The following BRD4 variants were observed in gnomAD, a reference collection of about 807,000 sequenced individuals.
The protein encoded by BRD4 is bromodomain containing 4.
Under a neutral mutation model 142.1 loss-of-function variants are expected in BRD4, and 16 were observed. That is an observed-to-expected ratio of 0.11 (90% confidence interval 0.08 to 0.17). BRD4 has a LOEUF of 0.17. BRD4 is among the 10% of genes least tolerant of loss of function. The pLI, the probability that BRD4 is intolerant of heterozygous loss-of-function variation, is 1.00. For synonymous variants in BRD4, 833 were observed against 707.5 expected, an observed-to-expected ratio of 1.18 and a Z score of -2.82; for missense variants, 1,424 against 1,810.9, an observed-to-expected ratio of 0.79 and a Z score of 3.88.
intron 2 of BRD4, among the ~76,000 whole-genome samples, chr19:15,270,909 C>T (rs973741770): frequency 7.2e-5 from 11 of 152,158 alleles, no homozygotes; most frequent in African/African-American, 2.7e-4. Flanking sequence ...GACATCAGAT[C>T]AGGGCCACCA....
At chr19:15,329,596 G>A (rs2048139430) in intron 1 of BRD4, among the ~76,000 whole-genome samples, 1 of 152,014 alleles carries the variant, frequency 6.6e-6, no homozygotes, top group African/African-American at 2.4e-5. Flanking sequence ...AAAATTAGCT[G>A]GGCGTGGCGG....
intron 1 of BRD4, among the ~76,000 whole-genome samples, chr19:15,288,427 G>A (rs890222525): frequency 9.9e-5 from 15 of 152,114 alleles, no homozygotes; most frequent in African/African-American, 3.4e-4. Flanking sequence ...ATAAATAGAA[G>A]AAGAGGAGTG....
chr19:15,327,917 T>C (rs1381003071), intron 1 of BRD4, among the ~76,000 whole-genome samples: 2 of 2,164 alleles, frequency 9.2e-4, no homozygotes, highest in Admixed American at 7.7e-3. Context: ...TGGATTTCTT[T>C]TGGGGGGGGG....
chr19:15,241,692 C>T (rs1234802442), intron 14 of BRD4, among the ~76,000 whole-genome samples: 7 of 152,188 alleles, frequency 4.6e-5, no homozygotes, highest in East Asian at 1.9e-4. Context: ...AGCCCTGCTT[C>T]GCATGAGAAC....
chr19:15,331,725 G>A (rs2145031290), intron 1 of BRD4: 1 of 151,990 alleles, frequency 6.6e-6, no homozygotes, highest in East Asian at 1.9e-4. Context: ...CTGGGTGCCA[G>A]AAGGAGAGCG....
At chr19:15,307,024 C>T (rs768518507) in intron 1 of BRD4, among the ~76,000 whole-genome samples, 3 of 152,054 alleles carry the variant, frequency 2.0e-5, no homozygotes, top group Admixed American at 6.6e-5. Flanking sequence ...CACAATAAAA[C>T]GAGGTATACC....
intron 1 of BRD4, chr19:15,280,189 G>T: frequency 1.1e-6 from 1 of 934,266 alleles, no homozygotes; most frequent in Non-Finnish European, 1.3e-6. Context: ...AGAGTGGATG[G>T]TGGCCTGGTT....
rs1216946251 is a variant in BRD4, at chr19:15,255,284, G to C, written c.2047+13C>G. 6.2e-7 allele frequency: 1 copy of C among 1,604,686 alleles called. No homozygotes were observed. The highest frequency in any genetic ancestry group is 1.3e-5 in the African/African-American group (1 of 74,650). ...CACAGAAGGAACCCCATGCCCAGGG[G>C]GCCCAAGCACACCTTGAGGTTTCCT... On this transcript the variant is annotated intron_variant, in intron 10 of 19. Coordinates refer to ENST00000679869, the MANE Select transcript of BRD4 (RefSeq NM_001379291.1).
chr19:15,266,940 AG>A (rs2047541012), intron 4 of BRD4, among the ~76,000 whole-genome samples: 1 of 152,154 alleles, frequency 6.6e-6, no homozygotes, highest in South Asian at 2.1e-4. Context: ...ATGGATGAGG[AG>A]GGCTTTCACT....
chr19:15,270,565 T>A (rs549954494), intron 2 of BRD4, among the ~76,000 whole-genome samples: 1 of 152,250 alleles, frequency 6.6e-6, no homozygotes, highest in Non-Finnish European at 1.5e-5. Context: ...GTGTCACATG[T>A]CTCAATGGCC....
chr19:15,295,456 C>T (rs2145676384), intron 1 of BRD4, among the ~76,000 whole-genome samples: 1 of 152,304 alleles, frequency 6.6e-6, no homozygotes, highest in African/African-American at 2.4e-5. Flanking sequence ...TCAAGCCTGC[C>T]TTGGGTGGCT....
At chr19:15,249,254 T>TTTTA in intron 11 of BRD4, 8 of 1,614,028 alleles carry the variant, frequency 5.0e-6, no homozygotes, top group Non-Finnish European at 6.8e-6. Context: ...CTGAAGACCG[T>TTTTA]TTTATTAAGA....
chr19:15,248,371 G>C (rs1340906640), intron 11 of BRD4: 1 of 215,148 alleles, frequency 4.6e-6, no homozygotes, highest in Non-Finnish European at 9.4e-6. Context: ...CAGTCCCTGA[G>C]GGTCTGTGAC....
At chr19:15,325,601 G>A (rs2048100262) in intron 1 of BRD4, among the ~76,000 whole-genome samples, 1 of 152,078 alleles carries the variant, frequency 6.6e-6, no homozygotes, top group Non-Finnish European at 1.5e-5. Context: ...CTATAAACAA[G>A]ACCCTGTCAA....
Position 15,239,706 on chromosome 19 carries a change from G to A in BRD4, c.3398C>T (p.Pro1133Leu), listed in dbSNP as rs376743001. ...EPFSPSLRPEPPKHPESIKAP... is the reference protein window; with the variant it reads ...EPFSPSLRPELPKHPESIKAP... ...CTTGATGCTCTCCGGGTGCTTGGGG[G>A]GCTCCGGCCGCAGCGAGGGGCTGAA... is the stretch of plus-strand genomic sequence containing the variant. The change falls in exon 16 of 20, where the codon CCC (proline) becomes CTC (leucine). Residue 1133 changes from proline to leucine, a missense_variant. Physicochemically the swap from Pro to Leu is moderately conservative, Grantham distance 98 (BLOSUM62 -3). Coordinates refer to ENST00000679869, the MANE Select transcript of BRD4 (RefSeq NM_001379291.1). The surrounding 1 kb of genome is among the most constrained non-coding windows in gnomAD (Gnocchi z 7.4). 1 of 1,596,004 alleles carries A rather than the reference G, an allele frequency of 6.3e-7. No homozygotes were observed. The highest frequency in any genetic ancestry group is 2.2e-5 in the East Asian group (1 of 44,814).
At chr19:15,244,107 T>A (rs2047262956) in intron 13 of BRD4, 124 bp downstream of exon 13, 1 of 1,511,004 alleles carries the variant, frequency 6.6e-7, no homozygotes, top group African/African-American at 1.4e-5. Flanking sequence ...AAGCCACAGA[T>A]CTTCCCTCTA....
chr19:15,243,995 T>C (rs1404919036), intron 13 of BRD4, among the ~76,000 whole-genome samples: 2 of 152,250 alleles, frequency 1.3e-5, no homozygotes, highest in Admixed American at 1.3e-4. Flanking sequence ...ACTCAAATGA[T>C]GTCAGTGTTT....
chr19:15,312,556 C>T (rs2145714218), intron 1 of BRD4, among the ~76,000 whole-genome samples: 1 of 151,998 alleles, frequency 6.6e-6, no homozygotes, highest in South Asian at 2.1e-4. Flanking sequence ...TGCTTGAACG[C>T]GGGAGGCGGA....
At chr19:15,294,423 G>A (rs2047807534) in intron 1 of BRD4, among the ~76,000 whole-genome samples, 1 of 152,232 alleles carries the variant, frequency 6.6e-6, no homozygotes, top group Non-Finnish European at 1.5e-5. Context: ...ACTCCAAAAG[G>A]GGATGAGAAG....
Sources: gnomAD v4.1 joint callset for allele counts (sites outside exome capture counted in the v4.1 genomes callset) on GRCh38, gnomAD v4.1.1 for gene constraint, Gnocchi (gnomAD v3.1) non-coding constraint, MANE v1.5 for transcripts, NCBI Gene and HGNC (gene_info 2026-07-23, HGNC 2026-07-21) for gene names.